BACH2: variants seen among roughly 807,000 people sequenced by gnomAD.
The protein encoded by BACH2 is transcription regulator protein BACH2.
BACH2 carries 5 observed loss-of-function variants against 61.8 expected under a neutral mutation model. The ratio of observed to expected loss-of-function variants is 0.08; its 90% CI spans 0.04 to 0.17. The LOEUF is 0.17. Among genes scored for constraint, BACH2 ranks in the 10% least tolerant of loss-of-function variants. The pLI is 1.00. For synonymous variants in BACH2, 446 were observed against 440.1 expected (o/e 1.01, Z -0.17); for missense variants, 824 against 1,091.1 (o/e 0.76, Z 3.45).
chr6:89,935,243 G>A (rs1772949439), intron 8 of BACH2, among the ~76,000 whole-genome samples: 3 of 152,120 alleles, frequency 2.0e-5, no homozygotes, highest in Non-Finnish European at 4.4e-5. Context: ...TGGCAGATAA[G>A]AAACAAAACA....
At chr6:89,982,532 T>A (rs143088996) in intron 6 of BACH2, among the ~76,000 whole-genome samples, 1 of 152,322 alleles carries the variant, frequency 6.6e-6, no homozygotes, top group Non-Finnish European at 1.5e-5. Flanking sequence ...CAGATAGAAT[T>A]TGATAAGTTA....
intron 4 of BACH2, among the ~76,000 whole-genome samples, chr6:90,127,874 C>T (rs1454882086): frequency 6.6e-6 from 1 of 152,152 alleles, no homozygotes; most frequent in Non-Finnish European, 1.5e-5. Context: ...GTGCTTCTGG[C>T]AATTGGAAGT....
intron 4 of BACH2, among the ~76,000 whole-genome samples, chr6:90,159,809 G>A (rs886191751): frequency 6.6e-6 from 1 of 152,134 alleles, no homozygotes; most frequent in Non-Finnish European, 1.5e-5. Flanking sequence ...GGCCAAAGGA[G>A]GAATAGTGCT....
Position 89,932,716 on chromosome 6 carries a change from T to C in BACH2, c.2218A>G (p.Thr740Ala). 1 of 1,614,130 alleles carries C rather than the reference T, an allele frequency of 6.2e-7. No individual in the cohort carries two copies. The highest frequency in any genetic ancestry group is 1.1e-5 in the South Asian group (1 of 91,076). ...CPVLRPMDLPTASSINPAPLG... is the reference protein window; with the variant it reads ...CPVLRPMDLPAASSINPAPLG... ...GGCGCAGGGTTAATACTGGAGGCCG[T>C]GGGCAAGTCCATGGGTCTGAGGACA... is the stretch of plus-strand genomic sequence containing the variant. The change falls in exon 9 of 9, where the codon ACG (threonine) becomes GCG (alanine). Residue 740 changes from threonine (T) to alanine (A), a missense_variant. This residue lies in a region of BACH2 where 135 missense variants were observed against 142.7 expected (regional missense o/e 0.95). Coordinates refer to ENST00000257749, the MANE Select transcript of BACH2 (RefSeq NM_021813.4).
At chr6:90,198,745 C>A (rs937237572) in intron 4 of BACH2, among the ~76,000 whole-genome samples, 1 of 152,116 alleles carries the variant, frequency 6.6e-6, no homozygotes, top group Non-Finnish European at 1.5e-5. Context: ...ACTCTCTGTA[C>A]AAAAAGGTTC....
chr6:90,000,535 T>G (rs1010551841), intron 6 of BACH2, among the ~76,000 whole-genome samples: 4 of 152,340 alleles, frequency 2.6e-5, no homozygotes, highest in African/African-American at 9.6e-5. Context: ...TAACACCTAC[T>G]GTTTCTATAG....
chr6:89,999,391 G>A (rs1474718004), intron 6 of BACH2, among the ~76,000 whole-genome samples: 14 of 151,640 alleles, frequency 9.2e-5, no homozygotes, highest in South Asian at 2.1e-4. Context: ...CTGCCAGTTC[G>A]TGCTGGCGTG....
chr6:90,108,703 C>A (rs1373275217), intron 4 of BACH2, among the ~76,000 whole-genome samples: 2 of 152,232 alleles, frequency 1.3e-5, no homozygotes, highest in Non-Finnish European at 2.9e-5. Context: ...TGGAGAATGT[C>A]TATCATTGCT....
At chr6:90,211,711 C>T (rs9451367) in intron 3 of BACH2, among the ~76,000 whole-genome samples, 5,383 of 151,974 alleles carry the variant, frequency 0.035, 317 homozygotes, top group African/African-American at 0.12. Flanking sequence ...TCTCCCCACT[C>T]CAACTCCCAC....
At chr6:90,087,491 T>C (rs1029042297) in intron 5 of BACH2, among the ~76,000 whole-genome samples, 1 of 152,230 alleles carries the variant, frequency 6.6e-6, no homozygotes, top group Non-Finnish European at 1.5e-5. Flanking sequence ...CATTTGTATG[T>C]ATGCTTACAT....
At position 90,219,663 on chromosome 6, in the gene BACH2, T is replaced by C. The variant is rs1464954877; in HGVS notation, c.-274-12982A>G. Among the ~76,000 whole-genome samples the C allele has an allele frequency of 1.2e-4, 19 of 152,162 alleles. 1 individual carries two copies. The highest frequency in any genetic ancestry group is 1.2e-3 in the Admixed American group (18 of 15,274). ...CAAGTCGGGCTCTACCCCTTCCTCA[T>C]CTACTGAGTGCTGACACTTGATCCA... On this transcript the variant is annotated intron_variant, in intron 3 of 8. Coordinates refer to ENST00000257749, the MANE Select transcript of BACH2 (RefSeq NM_021813.4).
At chr6:90,010,470 T>G (rs374946486) in intron 5 of BACH2, among the ~76,000 whole-genome samples, 2 of 152,370 alleles carry the variant, frequency 1.3e-5, no homozygotes, top group African/African-American at 4.8e-5. Flanking sequence ...TGTATAAATA[T>G]AGCGTAACTT....
chr6:90,078,899 A>G (rs914011763), intron 5 of BACH2, among the ~76,000 whole-genome samples: 2 of 152,128 alleles, frequency 1.3e-5, no homozygotes, highest in African/African-American at 4.8e-5. Context: ...TGCCAAAGAA[A>G]AATGTGATTT....
intron 3 of BACH2, among the ~76,000 whole-genome samples, chr6:90,241,391 G>C (rs978885884): frequency 2.0e-5 from 3 of 152,060 alleles, no homozygotes; most frequent in African/African-American, 7.2e-5. Flanking sequence ...TACTCAACAG[G>C]GGGCAGGCTG....
intron 1 of BACH2, among the ~76,000 whole-genome samples, chr6:90,277,186 C>T (rs1011330438): frequency 6.6e-6 from 1 of 152,088 alleles, no homozygotes; most frequent in African/African-American, 2.4e-5. Context: ...ATGTTGTTCA[C>T]CTGAAGATAT....
At chr6:90,265,726 C>T (rs1010793419) in intron 2 of BACH2, among the ~76,000 whole-genome samples, 4 of 152,170 alleles carry the variant, frequency 2.6e-5, no homozygotes, top group South Asian at 2.1e-4. Context: ...TGTTGACTTA[C>T]GTTGCAGGCA....
At position 90,016,264 on chromosome 6, in the gene BACH2, T is replaced by C. The variant is rs1305910058; in HGVS notation, c.-12-7408A>G. Among the ~76,000 whole-genome samples, 11 of 152,364 alleles carry C rather than the reference T, an allele frequency of 7.2e-5. No homozygotes were observed. The South Asian group carries it at 1.4e-3, about 20-fold the overall frequency. ...TGGTGTTTAAAACATGTATGTTTAATGTGACAATTGATTTGGCTAGGTTTA... is the reference window on the plus strand; with the variant it reads ...TGGTGTTTAAAACATGTATGTTTAACGTGACAATTGATTTGGCTAGGTTTA... On this transcript the variant is annotated intron_variant, in intron 5 of 8. Transcript: ENST00000257749.
At chr6:90,038,605 A>G (rs1023114953) in intron 5 of BACH2, among the ~76,000 whole-genome samples, 2 of 152,124 alleles carry the variant, frequency 1.3e-5, no homozygotes, top group African/African-American at 4.8e-5. Context: ...AAATCTCCCA[A>G]TCCCAGCTTC....
At chr6:89,984,807 A>G (rs1159204122) in intron 6 of BACH2, among the ~76,000 whole-genome samples, 2 of 152,250 alleles carry the variant, frequency 1.3e-5, no homozygotes, top group African/African-American at 4.8e-5. Flanking sequence ...TATAGTTTAA[A>G]AAGAAACTTG....
Sources: allele counts gnomAD v4.1 joint callset (sites outside exome capture counted in the v4.1 genomes callset), GRCh38; gene constraint gnomAD v4.1.1; regional missense constraint gnomAD v4.1.1; transcripts MANE v1.5; gene names NCBI Gene and HGNC (gene_info 2026-07-23, HGNC 2026-07-21).